The following KATNIP variants were observed in gnomAD, a reference collection of about 807,000 sequenced individuals.
KATNIP encodes katanin-interacting protein.
KATNIP carries 126 observed loss-of-function variants against 174.0 expected under a neutral mutation model. That is an observed-to-expected ratio of 0.72 (90% CI 0.63 to 0.84). The LOEUF (loss-of-function observed/expected upper bound fraction) is 0.84, where lower values mean the gene tolerates loss of function less well. Among genes scored for constraint, KATNIP ranks in the 40% least tolerant of loss-of-function variants. The probability of loss-of-function intolerance (pLI) is 0.00; values close to 1 mark genes in which losing one functional copy is unlikely to be tolerated. For missense variants in KATNIP, 1,958 were observed against 2,109.7 expected (o/e 0.93, Z 1.41); for synonymous variants, 810 against 835.7 (o/e 0.97, Z 0.53).
chr16:27,642,077 T>C (rs1041233393), intron 5 of KATNIP, among the ~76,000 whole-genome samples: 5 of 152,162 alleles, frequency 3.3e-5, no homozygotes, highest in South Asian at 4.1e-4. Context: ...CTGGGAGGTA[T>C]GGTAGAAAAT....
At position 27,749,657 on chromosome 16, in the gene KATNIP, A is replaced by T; in HGVS notation, c.2697A>T (p.Ser899=). 1.2e-6 allele frequency: 2 copies of T among 1,605,966 alleles called. No homozygotes were observed. Among genetic ancestry groups the T allele is most frequent in the Non-Finnish European group, 1.7e-6 (2 of 1,175,856 alleles). Residue 899 remains serine (S), a synonymous_variant, in exon 16 of 28, where the codon TCA becomes TCT. Transcript: ENST00000261588. ...RSEQEHTLHE[S]WSSLSAFDRS... ...AGCAGGAGCACACACTTCACGAGTC[A>T]TGGAGCTCCCTCAGTGCCTTCGACC...
intron 21 of KATNIP, among the ~76,000 whole-genome samples, chr16:27,770,945 G>A (rs1287484494): frequency 6.6e-6 from 1 of 152,066 alleles, no homozygotes; most frequent in African/African-American, 2.4e-5. Flanking sequence ...CCGCTTTCTG[G>A]GGCAAACACC....
intron 12 of KATNIP, among the ~76,000 whole-genome samples, chr16:27,707,840 G>A (rs1288068712): frequency 6.6e-6 from 1 of 152,176 alleles, no homozygotes. Flanking sequence ...GTGTCTCTCT[G>A]TGTGTCCAAC....
In KATNIP at chr16:27,573,920, C is replaced by G. The variant is rs61740167; in HGVS notation, c.27C>G (p.Ala9=). The change falls in exon 2 of 28, where the codon GCC becomes GCG. Residue 9 remains alanine, a synonymous_variant. Coordinates refer to ENST00000261588, the MANE Select transcript of KATNIP (RefSeq NM_015202.5). ...CGACAGGTCAGACTCTGCGAAAGGC[C>G]GAGAGAAGCTGGTCCTGCTCACGAG... MDGQTLRK[A]ERSWSCSREK... is the part of the protein sequence containing the mutation. The G allele has an allele frequency of 1.6e-3, 2,606 of 1,614,082 alleles. 34 individuals are homozygous for G. The African/African-American group carries it at 0.032, about 20-fold the overall frequency.
At chr16:27,566,176 T>G (rs1178442054) in intron 1 of KATNIP, among the ~76,000 whole-genome samples, 1 of 152,138 alleles carries the variant, frequency 6.6e-6, no homozygotes, top group Non-Finnish European at 1.5e-5. Context: ...TCCTGCCACC[T>G]TCCTCTGTTT....
chr16:27,555,660 C>T (rs1443345649), intron 1 of KATNIP, among the ~76,000 whole-genome samples: 3 of 151,316 alleles, frequency 2.0e-5, no homozygotes, highest in Non-Finnish European at 4.4e-5. Context: ...CATGGAGAAA[C>T]CCTGTCTCTA....
At chr16:27,728,866 T>C (rs1023483412) in intron 14 of KATNIP, among the ~76,000 whole-genome samples, 4 of 152,078 alleles carry the variant, frequency 2.6e-5, no homozygotes, top group Non-Finnish European at 4.4e-5. Flanking sequence ...GCAGAGCAAG[T>C]GGGCGGGCTG....
intron 12 of KATNIP, among the ~76,000 whole-genome samples, chr16:27,705,848 A>T (rs1482831312): frequency 2.0e-5 from 3 of 151,854 alleles, no homozygotes; most frequent in South Asian, 2.1e-4. Context: ...GCTGTTTTTT[A>T]AAAAAATTTT....
intron 2 of KATNIP, among the ~76,000 whole-genome samples, chr16:27,606,371 G>A (rs2075704870): frequency 6.6e-6 from 1 of 152,080 alleles, no homozygotes; most frequent in Non-Finnish European, 1.5e-5. Context: ...TCTATGAAAT[G>A]CTTCTCTGAG....
At position 27,574,911 on chromosome 16, in the gene KATNIP, T is replaced by G. The variant is rs1443706672; in HGVS notation, c.63+955T>G. 5.9e-5 allele frequency among the ~76,000 whole-genome samples: 9 copies of G among 152,250 alleles called. No individual in the cohort carries two copies. The South Asian group carries it at 1.7e-3, about 28-fold the overall frequency. Reference sequence around the variant, plus strand: ...CAGATTCAAGGGGTGGGGAAATAGATCTCACCTCTTGATGGGAAGAGCTAC... The same window carrying G: ...CAGATTCAAGGGGTGGGGAAATAGAGCTCACCTCTTGATGGGAAGAGCTAC... On this transcript the variant is annotated intron_variant, in intron 2 of 27. Coordinates refer to ENST00000261588, the MANE Select transcript of KATNIP (RefSeq NM_015202.5).
At chr16:27,596,659 G>A (rs554796538) in intron 2 of KATNIP, among the ~76,000 whole-genome samples, 7 of 152,250 alleles carry the variant, frequency 4.6e-5, no homozygotes, top group South Asian at 2.1e-4. Context: ...GGCTGTTTTC[G>A]TGCATTACTT....
At chr16:27,766,037 TA>T (rs1172907938) in intron 19 of KATNIP, among the ~76,000 whole-genome samples, 11 of 147,516 alleles carry the variant, frequency 7.5e-5, no homozygotes, top group East Asian at 5.9e-4. Flanking sequence ...TTTTCCCTTT[TA>T]AAAAAAAAAC....
intron 18 of KATNIP, among the ~76,000 whole-genome samples, chr16:27,760,956 C>A (rs903433899): frequency 3.9e-5 from 6 of 152,152 alleles, no homozygotes; most frequent in African/African-American, 1.4e-4. Context: ...GGGGTGACAG[C>A]ACATTCAAAG....
intron 18 of KATNIP, among the ~76,000 whole-genome samples, chr16:27,756,460 T>TGAAA (rs1453475473): frequency 2.6e-5 from 4 of 152,202 alleles, no homozygotes; most frequent in African/African-American, 9.6e-5. Context: ...CTCAGAGAGA[T>TGAAA]GGAGTCACCT....
Position 27,643,590 on chromosome 16 carries a change from CAAAAAAAAAAAA to C in KATNIP, c.409-4998_409-4987del, listed in dbSNP as rs562253355. 6.8e-3 allele frequency among the ~76,000 whole-genome samples: 277 copies of C among 40,496 alleles called. 4 individuals are homozygous for C. The highest frequency in any genetic ancestry group is 0.026 in the African/African-American group (254 of 9,604). The allele number at this position is 40,496 out of a possible 152,430, so 26.6% of individuals were successfully genotyped here. On this transcript the variant is annotated intron_variant, in intron 5 of 27. Coordinates refer to ENST00000261588, the MANE Select transcript of KATNIP (RefSeq NM_015202.5). ...TGGGTAACAGAGTGAGACTCTGTCT[CAAAAAAAAAAAA>C]AAAAAAAAAAAAAAAGAACTAAATG...
intron 2 of KATNIP, among the ~76,000 whole-genome samples, chr16:27,609,791 A>C (rs1379728876): frequency 6.6e-6 from 1 of 150,578 alleles, no homozygotes; most frequent in Non-Finnish European, 1.5e-5. Context: ...TCCTGGGTTC[A>C]AGTGATTCTC....
chr16:27,723,147 C>T (rs915139586), intron 14 of KATNIP, among the ~76,000 whole-genome samples: 5 of 152,146 alleles, frequency 3.3e-5, no homozygotes, highest in East Asian at 1.9e-4. Context: ...GCCTCCTAAT[C>T]GCTCCCTTCA....
At chr16:27,571,241 C>T (rs1035848119) in intron 1 of KATNIP, among the ~76,000 whole-genome samples, 67 of 152,238 alleles carry the variant, frequency 4.4e-4, no homozygotes, top group African/African-American at 1.5e-3. Context: ...CCATGTTGAC[C>T]AGGCTGGTCT....
At chr16:27,622,447 C>T (rs942301402) in intron 3 of KATNIP, among the ~76,000 whole-genome samples, 14 of 151,984 alleles carry the variant, frequency 9.2e-5, no homozygotes, top group Non-Finnish European at 1.0e-4. Flanking sequence ...TAATCATGCC[C>T]GACAAGATTC....
Sources: allele counts gnomAD v4.1 joint callset (sites outside exome capture counted in the v4.1 genomes callset), GRCh38; gene constraint gnomAD v4.1.1; transcripts MANE v1.5; gene names NCBI Gene and HGNC (gene_info 2026-07-23, HGNC 2026-07-21).